Variants in MATR3 observed in about 807,000 individuals in gnomAD.
MATR3 encodes matrin 3, also known as matrin-3.
In MATR3, 4 loss-of-function variants were observed where a neutral mutation model predicts 85.5. The observed-to-expected ratio is 0.05, with a 90% CI of 0.02 to 0.11. MATR3 has a LOEUF of 0.11. MATR3 is among the 10% of genes least tolerant of loss of function. MATR3 has a pLI of 1.00. For missense variants in MATR3, 685 were observed against 1,016.1 expected (o/e 0.67, Z 4.43); for synonymous variants, 336 against 343.1 (o/e 0.98, Z 0.23).
intron 9 of MATR3, among the ~76,000 whole-genome samples, chr5:139,320,118 CTAACACAG>C (rs376713918): frequency 1.9e-3 from 291 of 151,444 alleles, no homozygotes; most frequent in African/African-American, 6.8e-3. Context: ...ATCATCCTGG[CTAACACAG>C]TGAAACCCCC....
intron 9 of MATR3, among the ~76,000 whole-genome samples, chr5:139,319,897 T>A (rs1334893242): frequency 1.6e-5 from 2 of 125,676 alleles, no homozygotes; most frequent in African/African-American, 6.1e-5. Context: ...TTAAAGTATA[T>A]CCCTATTTTT....
chr5:139,318,789 T>C lies in MATR3; in HGVS notation c.1309-119T>C. On this transcript the variant is annotated intron_variant, in intron 7 of 14. Coordinates refer to ENST00000394805, the MANE Select transcript of MATR3 (RefSeq NM_018834.6). Reference sequence around the variant, plus strand: ...ATTCTTGAAAGTATTTTCTACTTAATGATTAAATATATCTGAAAAGATTTG... The same window carrying C: ...ATTCTTGAAAGTATTTTCTACTTAACGATTAAATATATCTGAAAAGATTTG... 2 of 927,480 alleles carry C rather than the reference T, an allele frequency of 2.2e-6. 1 individual carries two copies. Among genetic ancestry groups the C allele is most frequent in the South Asian group, 2.9e-5 (2 of 68,216 alleles). The allele number at this position is 927,480 out of a possible 1,614,324, so 57.5% of individuals were successfully genotyped here.
intron 3 of MATR3, among the ~76,000 whole-genome samples, chr5:139,287,394 G>A (rs1207992774): frequency 6.6e-6 from 1 of 151,790 alleles, no homozygotes; most frequent in East Asian, 1.9e-4. Flanking sequence ...CAAGGCGGGT[G>A]GATCACCTGA....
At chr5:139,295,524 A>G (rs758346841) in intron 1 of MATR3, among the ~76,000 whole-genome samples, 1 of 152,234 alleles carries the variant, frequency 6.6e-6, no homozygotes, top group Non-Finnish European at 1.5e-5. Flanking sequence ...TCAGCCGTGT[A>G]CAGCTTTTAT....
intron 3 of MATR3, among the ~76,000 whole-genome samples, chr5:139,284,333 C>T (rs1190381156): frequency 6.6e-6 from 1 of 152,046 alleles, no homozygotes; most frequent in Non-Finnish European, 1.5e-5. Flanking sequence ...ATGGATTTGG[C>T]CGGGCGCGGT....
At chr5:139,304,112 A>G (rs1010162128) in intron 1 of MATR3, among the ~76,000 whole-genome samples, 53 of 152,358 alleles carry the variant, frequency 3.5e-4, no homozygotes, top group African/African-American at 1.2e-3. Context: ...ATGTGAAGCT[A>G]ACATTTTTAA....
At chr5:139,298,935 C>A (rs1452260895) in intron 1 of MATR3, among the ~76,000 whole-genome samples, 2 of 152,152 alleles carry the variant, frequency 1.3e-5, no homozygotes, top group South Asian at 4.1e-4. Context: ...AGGTTTAACT[C>A]ACAATTGTGG....
chr5:139,302,690 A>G (rs1212173190), intron 1 of MATR3, among the ~76,000 whole-genome samples: 2 of 152,250 alleles, frequency 1.3e-5, no homozygotes, highest in African/African-American at 4.8e-5. Flanking sequence ...GCTGCTTTGA[A>G]ATTACTGACA....
intron 2 of MATR3, among the ~76,000 whole-genome samples, chr5:139,277,653 A>G (rs958146814): frequency 6.6e-6 from 1 of 152,190 alleles, no homozygotes; most frequent in South Asian, 2.1e-4. Context: ...GGTAAATGGC[A>G]AGCAGCATTC....
chr5:139,312,403 A>G (rs755447546), intron 2 of MATR3: 1 of 152,058 alleles, frequency 6.6e-6, no homozygotes, highest in Non-Finnish European at 1.5e-5. Context: ...CGGCCCTTAC[A>G]AGCCATTTTA....
intron 1 of MATR3, among the ~76,000 whole-genome samples, chr5:139,303,679 C>T (rs187693711): frequency 3.2e-4 from 49 of 151,664 alleles, no homozygotes; most frequent in Middle Eastern, 6.8e-3. Flanking sequence ...TACAGTGAGC[C>T]TGGGCAATGC....
intron 1 of MATR3, among the ~76,000 whole-genome samples, chr5:139,304,851 A>G (rs530155341): frequency 6.6e-6 from 1 of 152,334 alleles, no homozygotes; most frequent in South Asian, 2.1e-4. Context: ...TGCCTTTGCT[A>G]ATAGGCAGTG....
At chr5:139,326,679 C>A (rs1181598268) in intron 14 of MATR3, among the ~76,000 whole-genome samples, 2 of 152,150 alleles carry the variant, frequency 1.3e-5, no homozygotes, top group Non-Finnish European at 2.9e-5. Context: ...CCCACCTCAG[C>A]CTCCCAAAGT....
At chr5:139,286,943 G>A (rs2151894022) in intron 3 of MATR3, among the ~76,000 whole-genome samples, 1 of 152,102 alleles carries the variant, frequency 6.6e-6, no homozygotes, top group Admixed American at 6.5e-5. Flanking sequence ...TGAGCTCCAT[G>A]AGAGCAGAGA....
chr5:139,279,242 G>C (rs78697329), intron 3 of MATR3: 1 of 437,528 alleles, frequency 2.3e-6, no homozygotes, highest in Non-Finnish European at 4.6e-6. Flanking sequence ...ACTTTTTTTT[G>C]GGGGGGGACG....
chr5:139,326,405 A>G lies in MATR3; in HGVS notation c.2493+121A>G, dbSNP rs1755853440. ...GACTCAGTGCAGTGCTTTCTCCTGA[A>G]GATAACTTTTTATTTACTTTTTTTT... On this transcript the variant is annotated intron_variant, in intron 14 of 14. Transcript: ENST00000394805. The G allele has an allele frequency of 4.5e-6, 4 of 894,158 alleles. No individual in the cohort carries two copies. The Admixed American group carries it at 1.1e-4, about 26-fold the overall frequency. The allele number at this position is 894,158 out of a possible 1,614,324, so 55.4% of individuals were successfully genotyped here. A position where few individuals can be genotyped will look rare whatever the true frequency, so the allele number is the denominator to read the frequency against.
intron 3 of MATR3, among the ~76,000 whole-genome samples, chr5:139,283,780 G>C (rs13168944): frequency 0.54 from 81,158 of 151,546 alleles, 24,320 homozygotes; most frequent in Non-Finnish European, 0.69. Flanking sequence ...CTCTCTCACC[G>C]TCTTATCTTT....
At chr5:139,310,440 T>A (rs2151967036) in intron 2 of MATR3, 1 of 152,354 alleles carries the variant, frequency 6.6e-6, no homozygotes, top group Non-Finnish European at 1.5e-5. Context: ...CTATGTTTTT[T>A]ACGTATATGC....
chr5:139,314,507 A>T, intron 2 of MATR3, 168 bp from the exon 3 acceptor site: 1 of 627,182 alleles, frequency 1.6e-6, no homozygotes, highest in South Asian at 1.7e-5. Context: ...TCAAGCCTCA[A>T]GGATTCAGAG....
Sources: allele counts gnomAD v4.1 joint callset (sites outside exome capture counted in the v4.1 genomes callset), GRCh38; gene constraint gnomAD v4.1.1; transcripts MANE v1.5; gene names NCBI Gene and HGNC (gene_info 2026-07-23, HGNC 2026-07-21).